TRPM3: variants seen among roughly 807,000 people sequenced by gnomAD.
The protein encoded by TRPM3 is long transient receptor potential channel 3.
A neutral mutation model predicts 181.2 loss-of-function variants in TRPM3; 77 were observed. That is an observed-to-expected ratio of 0.42 (90% CI 0.35 to 0.51). The LOEUF (loss-of-function observed/expected upper bound fraction) is 0.51. Ranked by LOEUF, TRPM3 falls within the 20% of genes least tolerant of loss-of-function variation. TRPM3 has a pLI of 0.01. For synonymous variants in TRPM3, 745 were observed against 796.4 expected (o/e 0.94, Z 1.09); for missense variants, 1,759 against 2,196.7 (o/e 0.80, Z 3.98).
chr9:71,318,097 C>CA lies in TRPM3; in HGVS notation c.183+128555dup, dbSNP rs1413834617. ...AGACCCTGTCTCTACAAAAAACAAA[C>CA]AAAAAAATACAGTGGGGAAAAAAAT... On this transcript the variant is annotated intron_variant, in intron 1 of 24. Coordinates refer to the TRPM3 transcript ENST00000357533. Among the ~76,000 whole-genome samples the CA allele has an allele frequency of 1.4e-4, 21 of 151,680 alleles. No homozygotes were observed. In the East Asian group the frequency reaches 4.1e-3, roughly 29 times the overall value.
At chr9:70,851,888 C>G (rs918191856) in intron 3 of TRPM3, among the ~76,000 whole-genome samples, 24 of 152,082 alleles carry the variant, frequency 1.6e-4, no homozygotes, top group African/African-American at 5.3e-4. Context: ...GAGGCCAAGG[C>G]AGGTGGATTA....
intron 1 of TRPM3, among the ~76,000 whole-genome samples, chr9:70,919,765 C>T (rs2096636402): frequency 7.1e-6 from 1 of 140,878 alleles, no homozygotes; most frequent in Admixed American, 7.2e-5. Flanking sequence ...GCCTGGGTGA[C>T]AAGAGTGAAA....
intron 8 of TRPM3, among the ~76,000 whole-genome samples, chr9:70,689,319 CAAT>C (rs2067840070): frequency 6.6e-6 from 1 of 151,734 alleles, no homozygotes. Flanking sequence ...ACTTTTATAA[CAAT>C]AATAATACAT....
intron 1 of TRPM3, among the ~76,000 whole-genome samples, chr9:70,937,728 T>C (rs1183973804): frequency 6.6e-6 from 1 of 152,060 alleles, no homozygotes; most frequent in African/African-American, 2.4e-5. Flanking sequence ...GATGTTTAAC[T>C]GGGTGGACTT....
At chr9:71,386,022 A>G (rs1248049824) in intron 1 of TRPM3, among the ~76,000 whole-genome samples, 1 of 152,114 alleles carries the variant, frequency 6.6e-6, no homozygotes, top group Non-Finnish European at 1.5e-5. Context: ...TAGAAGATTT[A>G]GACATAAAGT....
intron 9 of TRPM3, among the ~76,000 whole-genome samples, chr9:70,660,701 A>G (rs1392223242): frequency 6.6e-6 from 1 of 152,160 alleles, no homozygotes. Context: ...AAGTGAATAC[A>G]TTCCTGAAAA....
At position 71,060,761 on chromosome 9, in the gene TRPM3, T is replaced by C. The variant is rs557278972; in HGVS notation, c.177+60417A>G. Among the ~76,000 whole-genome samples the C allele has an allele frequency of 1.4e-4, 22 of 152,252 alleles. 1 individual carries two copies. Among genetic ancestry groups the C allele is most frequent in the South Asian group, 1.2e-3 (6 of 4,834 alleles). ...GCATTGACAGTACTCTTTGAAAGCA[T>C]TGAATGTATTCTTTCATTAAACTAA... is the stretch of plus-strand genomic sequence containing the variant. On this transcript the variant is annotated intron_variant, in intron 1 of 25. Transcript: ENST00000677713.
Position 71,047,720 on chromosome 9 carries a change from T to C in TRPM3, c.177+73458A>G, listed in dbSNP as rs550811868. On this transcript the variant is annotated intron_variant, in intron 1 of 25. Coordinates refer to ENST00000677713, the MANE Select transcript of TRPM3 (RefSeq NM_001366145.2). Reference sequence around the variant, plus strand: ...CAAAAGCTAGAATGGCTAAATATGTTCCATAGTAGAAACTACAAAACTGTA... The same window carrying C: ...CAAAAGCTAGAATGGCTAAATATGTCCCATAGTAGAAACTACAAAACTGTA... 1.6e-4 allele frequency among the ~76,000 whole-genome samples: 25 copies of C among 152,094 alleles called. No individual in the cohort carries two copies. The South Asian group carries it at 4.2e-3, about 25-fold the overall frequency.
chr9:70,819,353 A>G (rs1179421131), intron 6 of TRPM3, among the ~76,000 whole-genome samples: 2 of 152,282 alleles, frequency 1.3e-5, no homozygotes, highest in South Asian at 2.1e-4. Context: ...AATAAAACAT[A>G]TTTTTGCAGA....
chr9:71,138,311 C>A (rs1450334936), intron 1 of TRPM3, among the ~76,000 whole-genome samples: 1 of 152,302 alleles, frequency 6.6e-6, no homozygotes, highest in South Asian at 2.1e-4. Flanking sequence ...GCCTGAAATG[C>A]TCCCATGCAT....
At chr9:70,615,825 A>C in intron 18 of TRPM3, 83 bp downstream of exon 18, 2 of 1,366,312 alleles carry the variant, frequency 1.5e-6, no homozygotes, top group Non-Finnish European at 2.0e-6. Context: ...TGACCTAAGG[A>C]GTTACTGAAT....
At position 70,536,990 on chromosome 9, in the gene TRPM3, T is replaced by G; in HGVS notation, c.4123A>C (p.Ser1375Arg). ...TGGGAACTAGTAGCCCGGTGTAGGC[T>G]CAGGGACCTTTCTTTAAAAATACTT... The part of the protein sequence containing the change: ...LESIFKERSL[S>R]LHRATSSHSV... Residue 1375 changes from serine (S) to arginine (R), a missense_variant, in exon 26 of 26, where the codon AGC (serine) becomes CGC (arginine). Around this residue, in one of 8 missense-constraint regions of TRPM3, gnomAD observed 612 missense variants for 590.0 expected, o/e 1.04. Transcript: ENST00000677713. 6.2e-7 allele frequency: 1 copy of G among 1,610,930 alleles called. No individual in the cohort carries two copies. Among genetic ancestry groups the G allele is most frequent in the Non-Finnish European group, 8.5e-7 (1 of 1,177,406 alleles).
At chr9:70,572,568 A>C (rs939500203) in intron 22 of TRPM3, among the ~76,000 whole-genome samples, 1 of 152,108 alleles carries the variant, frequency 6.6e-6, no homozygotes, top group Non-Finnish European at 1.5e-5. Flanking sequence ...TTTGGCACTT[A>C]GTGTTGAGGA....
chr9:70,813,503 A>T (rs993855330), intron 6 of TRPM3, among the ~76,000 whole-genome samples: 2 of 152,156 alleles, frequency 1.3e-5, no homozygotes, highest in Non-Finnish European at 2.9e-5. Context: ...AATAATAGAC[A>T]CTAGGGACTC....
At chr9:71,387,888 T>G (rs971247841) in intron 1 of TRPM3, among the ~76,000 whole-genome samples, 2 of 152,160 alleles carry the variant, frequency 1.3e-5, no homozygotes, top group Non-Finnish European at 2.9e-5. Flanking sequence ...GTATATAACT[T>G]TTCTATTATG....
intron 1 of TRPM3, among the ~76,000 whole-genome samples, chr9:71,134,004 T>C (rs867418682): frequency 1.6e-3 from 124 of 77,830 alleles, no homozygotes; most frequent in African/African-American, 3.9e-3. Flanking sequence ...TGTGTGTGTG[T>C]GTGTGTGTGT....
chr9:70,918,363 A>G (rs896824415), intron 1 of TRPM3, among the ~76,000 whole-genome samples: 1 of 152,210 alleles, frequency 6.6e-6, no homozygotes, highest in Non-Finnish European at 1.5e-5. Context: ...AGAATAAACT[A>G]TATGTCGGAT....
intron 1 of TRPM3, among the ~76,000 whole-genome samples, chr9:71,221,221 T>A (rs1219799716): frequency 6.6e-6 from 1 of 152,250 alleles, no homozygotes. Context: ...ATGCAGTTGC[T>A]CTTGTTCATT....
At chr9:70,778,305 C>T (rs1288838973) in intron 7 of TRPM3, among the ~76,000 whole-genome samples, 1 of 152,140 alleles carries the variant, frequency 6.6e-6, no homozygotes, top group Non-Finnish European at 1.5e-5. Flanking sequence ...GCTCTTGTGA[C>T]CTTTTGTGCC....
Sources: gnomAD v4.1 joint callset for allele counts (sites outside exome capture counted in the v4.1 genomes callset) on GRCh38, gnomAD v4.1.1 for gene constraint, gnomAD v4.1.1 regional missense constraint, MANE v1.5 for transcripts, NCBI Gene and HGNC (gene_info 2026-07-23, HGNC 2026-07-21) for gene names.